PARD3: variants seen among roughly 807,000 people sequenced by gnomAD.
PARD3 encodes partitioning defective 3 homolog.
Under a neutral mutation model 155.4 loss-of-function variants are expected in PARD3, and 75 were observed. The observed-to-expected ratio is 0.48, with a 90% confidence interval of 0.40 to 0.58. The LOEUF (loss-of-function observed/expected upper bound fraction) is 0.58, where lower values mean the gene tolerates loss of function less well. PARD3 is among the 20% of genes least tolerant of loss of function. The pLI is 0.00. For missense variants in PARD3, 1,642 were observed against 1,721.7 expected (o/e 0.95, Z 0.82); for synonymous variants, 576 against 610.5 (o/e 0.94, Z 0.83).
At chr10:34,429,477 C>A (rs573947548) in intron 5 of PARD3, among the ~76,000 whole-genome samples, 1 of 152,034 alleles carries the variant, frequency 6.6e-6, no homozygotes, top group East Asian at 1.9e-4. Context: ...GTTACTACAG[C>A]CTCCACTTCC....
chr10:34,573,428 G>T (rs369500343), intron 2 of PARD3, among the ~76,000 whole-genome samples: 1 of 151,968 alleles, frequency 6.6e-6, no homozygotes, highest in African/African-American at 2.4e-5. Context: ...TCGAGCAGGT[G>T]CAGTGGCTCA....
intron 5 of PARD3, among the ~76,000 whole-genome samples, chr10:34,404,060 A>G (rs1296949523): frequency 2.0e-5 from 3 of 152,174 alleles, no homozygotes; most frequent in African/African-American, 7.2e-5. Flanking sequence ...CATTGTTCCC[A>G]CAGTGGCCAT....
chr10:34,524,346 C>T (rs1451112805), intron 2 of PARD3, among the ~76,000 whole-genome samples: 2 of 152,172 alleles, frequency 1.3e-5, no homozygotes, highest in Non-Finnish European at 2.9e-5. Context: ...CTTGAACACT[C>T]ATGCCTAATA....
rs537127497 is a variant in PARD3, at chr10:34,239,671, C to T, written c.3419+29986G>A. Among the ~76,000 whole-genome samples the T allele has an allele frequency of 2.6e-5, 4 of 152,042 alleles. 1 individual carries two copies. The Middle Eastern group carries it at 0.01, about 388-fold the overall frequency. ...ACAAAAAAGTAGCCGGGCATGGTGA[C>T]GTGTGCCTGTGATCCCAGCTACTCA... is the stretch of plus-strand genomic sequence containing the variant. On this transcript the variant is annotated intron_variant, in intron 22 of 24. Coordinates refer to ENST00000374788, the MANE Select transcript of PARD3 (RefSeq NM_001184785.2).
At chr10:34,605,180 A>ATTTTTTTTTTTTT (rs750688603) in intron 2 of PARD3, among the ~76,000 whole-genome samples, 2 of 62,482 alleles carry the variant, frequency 3.2e-5, no homozygotes, top group African/African-American at 1.1e-4. Context: ...CCAAAATGAA[A>ATTTTTTTTTTTTT]TTTTTTTTTT....
chr10:34,306,849 CAG>C (rs1355840798), intron 20 of PARD3, among the ~76,000 whole-genome samples: 2 of 152,224 alleles, frequency 1.3e-5, no homozygotes, highest in East Asian at 3.9e-4. Flanking sequence ...TTACCCCCAA[CAG>C]AAGTTTCCAG....
chr10:34,791,371 A>G (rs888542477), intron 1 of PARD3, among the ~76,000 whole-genome samples: 3 of 152,114 alleles, frequency 2.0e-5, no homozygotes, highest in Non-Finnish European at 2.9e-5. Flanking sequence ...AAAGCTCCCC[A>G]GCATCCCACT....
chr10:34,808,085 AG>A (rs1485176536), intron 1 of PARD3, among the ~76,000 whole-genome samples: 1 of 152,238 alleles, frequency 6.6e-6, no homozygotes, highest in African/African-American at 2.4e-5. Flanking sequence ...GGACCAAGGC[AG>A]GTGGATTGCT....
chr10:34,392,209 T>C (rs948133956), intron 7 of PARD3, among the ~76,000 whole-genome samples: 1 of 152,100 alleles, frequency 6.6e-6, no homozygotes, highest in Admixed American at 6.6e-5. Context: ...CTCTTAGAGA[T>C]GTGATTTCAT....
intron 12 of PARD3, among the ~76,000 whole-genome samples, chr10:34,370,466 G>C (rs868618967): frequency 2.0e-5 from 3 of 152,080 alleles, no homozygotes; most frequent in African/African-American, 7.2e-5. Flanking sequence ...TTTTGGTAGA[G>C]ATGAGGTCTC....
chr10:34,462,734 T>C lies in PARD3; in HGVS notation c.582+7351A>G, dbSNP rs75523583. Among the ~76,000 whole-genome samples the C allele has an allele frequency of 1.6e-3, 235 of 151,590 alleles. 2 individuals carry two copies. Among genetic ancestry groups the C allele is most frequent in the African/African-American group, 5.4e-3 (224 of 41,314 alleles). ...CATGCTTGTAGTCCAAGCTACTTCA[T>C]GGGCTGAGATGGGAGGATCACTTGA... On this transcript the variant is annotated intron_variant, in intron 4 of 24. Transcript: ENST00000374788.
intron 20 of PARD3, chr10:34,312,526 G>T: frequency 1.3e-6 from 1 of 758,916 alleles, no homozygotes; most frequent in Non-Finnish European, 2.3e-6. Context: ...TGTTCATTGT[G>T]TTCTGAAAAT....
chr10:34,427,533 A>C (rs568314774), intron 5 of PARD3, among the ~76,000 whole-genome samples: 44 of 152,134 alleles, frequency 2.9e-4, no homozygotes, highest in Non-Finnish European at 3.5e-4. Context: ...CGGGACATGG[A>C]AGTTCATTAG....
intron 19 of PARD3, among the ~76,000 whole-genome samples, chr10:34,324,407 C>A (rs1958560779): frequency 6.6e-6 from 1 of 152,124 alleles, no homozygotes; most frequent in African/African-American, 2.4e-5. Context: ...GGAAAAGTTT[C>A]TTGGAGAAGG....
At chr10:34,789,346 TTAAG>T (rs1841376223) in intron 1 of PARD3, among the ~76,000 whole-genome samples, 1 of 152,094 alleles carries the variant, frequency 6.6e-6, no homozygotes, top group South Asian at 2.1e-4. Context: ...CACCGATAAA[TTAAG>T]TAAAGTAACT....
chr10:34,118,511 A>ATT (rs1946806127), intron 24 of PARD3, among the ~76,000 whole-genome samples: 1 of 151,984 alleles, frequency 6.6e-6, no homozygotes, highest in Non-Finnish European at 1.5e-5. Context: ...AGCCCAGCTA[A>ATT]TTTTTGTATT....
intron 4 of PARD3, among the ~76,000 whole-genome samples, chr10:34,468,712 T>C (rs950270856): frequency 6.6e-6 from 1 of 152,210 alleles, no homozygotes; most frequent in African/African-American, 2.4e-5. Context: ...CTAAATATAC[T>C]CTTTTTTTCA....
chr10:34,563,532 ATTTTT>A, intron 2 of PARD3, among the ~76,000 whole-genome samples: 1 of 144,344 alleles, frequency 6.9e-6, no homozygotes, highest in South Asian at 2.3e-4. Context: ...ACGCCTGCTA[ATTTTT>A]TTTTTTTTTT....
intron 22 of PARD3, among the ~76,000 whole-genome samples, chr10:34,220,999 C>T (rs2133471281): frequency 2.6e-5 from 4 of 152,276 alleles, no homozygotes; most frequent in Admixed American, 2.6e-4. Context: ...ATTTAAGGGG[C>T]TCCCAAAAGC....
Sources: gnomAD v4.1 joint callset for allele counts (sites outside exome capture counted in the v4.1 genomes callset) on GRCh38, gnomAD v4.1.1 for gene constraint, MANE v1.5 for transcripts, NCBI Gene and HGNC (gene_info 2026-07-23, HGNC 2026-07-21) for gene names.